The following SLC14A2 variants were observed in gnomAD, a reference collection of about 807,000 sequenced individuals.
SLC14A2 encodes urea transporter 2.
Under a neutral mutation model 104.6 loss-of-function variants are expected in SLC14A2, and 91 were observed. That is an observed-to-expected ratio of 0.87 (90% CI 0.73 to 1.04). The LOEUF is 1.04. Ranked by LOEUF, SLC14A2 falls within the 50% of genes least tolerant of loss-of-function variation. The probability of loss-of-function intolerance (pLI) is 0.00; values close to 1 mark genes in which losing one functional copy is unlikely to be tolerated. For missense variants in SLC14A2, 1,189 were observed against 1,156.0 expected (o/e 1.03, Z -0.41); for synonymous variants, 476 against 466.4 (o/e 1.02, Z -0.27).
rs59495649 is a variant in SLC14A2, at chr18:45,667,742, G to A, written c.1718-91G>A. 8.4e-4 allele frequency: 866 copies of A among 1,030,568 alleles called. 5 individuals carry two copies. In the African/African-American group the frequency reaches 0.012, roughly 14 times the overall value. The allele number at this position is 1,030,568 out of a possible 1,614,324, so 63.8% of individuals were successfully genotyped here. ...GGCTGGCTTCCTGCAAACCCACTTC[G>A]GATATCCAGATTCCCTCACACCCTC... On this transcript the variant is annotated intron_variant, in intron 13 of 19. Transcript: ENST00000255226.
At chr18:45,318,585 C>G (rs1157866025) in intron 1 of SLC14A2, among the ~76,000 whole-genome samples, 2 of 152,052 alleles carry the variant, frequency 1.3e-5, no homozygotes, top group Admixed American at 1.3e-4. Context: ...GTCAGGAGTT[C>G]GAGACCAGCC....
At chr18:45,291,724 C>A (rs2084871241) in intron 1 of SLC14A2, among the ~76,000 whole-genome samples, 1 of 152,062 alleles carries the variant, frequency 6.6e-6, no homozygotes, top group Non-Finnish European at 1.5e-5. Flanking sequence ...CCTCCCCCTG[C>A]CACAAGAATG....
chr18:45,449,477 C>G (rs548677612), intron 1 of SLC14A2, among the ~76,000 whole-genome samples: 6 of 152,148 alleles, frequency 3.9e-5, no homozygotes, highest in African/African-American at 1.4e-4. Context: ...AAACTTCCTG[C>G]GCCCGGGGAA....
At chr18:45,410,706 A>G (rs893034751) in intron 1 of SLC14A2, among the ~76,000 whole-genome samples, 2 of 152,180 alleles carry the variant, frequency 1.3e-5, no homozygotes, top group Non-Finnish European at 2.9e-5. Flanking sequence ...CCCCCAAATC[A>G]ATAATCCAGT....
chr18:45,390,428 T>A (rs1272969325), intron 1 of SLC14A2, among the ~76,000 whole-genome samples: 1 of 152,198 alleles, frequency 6.6e-6, no homozygotes, highest in Non-Finnish European at 1.5e-5. Flanking sequence ...GGTGCTCCAC[T>A]GTGCTGTTTA....
At chr18:45,298,488 T>G (rs964123109) in intron 1 of SLC14A2, among the ~76,000 whole-genome samples, 1 of 152,156 alleles carries the variant, frequency 6.6e-6, no homozygotes, top group Non-Finnish European at 1.5e-5. Flanking sequence ...ATCAGATCAT[T>G]TCAACATAGA....
rs145980877 is a variant in SLC14A2, at chr18:45,255,319, TAGAG to T, written c.-125+42140_-125+42143del. 8.3e-3 allele frequency among the ~76,000 whole-genome samples: 1,252 copies of T among 151,454 alleles called. 6 individuals carry two copies. The highest frequency in any genetic ancestry group is 0.012 in the Non-Finnish European group (801 of 67,802). On this transcript the variant is annotated intron_variant, in intron 1 of 20. Coordinates refer to the SLC14A2 transcript ENST00000586448. ...AGCCATCCTCATTGCTCCTTTTAAA[TAGAG>T]AGAGAGAGAGATGTTGATTTTGCAC...
At chr18:45,470,434 C>T (rs1354918785) in intron 1 of SLC14A2, among the ~76,000 whole-genome samples, 3 of 151,982 alleles carry the variant, frequency 2.0e-5, no homozygotes, top group Non-Finnish European at 4.4e-5. Context: ...TACATTTTTA[C>T]TTTTATATTT....
At chr18:45,248,499 C>T (rs1466516691) in intron 1 of SLC14A2, among the ~76,000 whole-genome samples, 1 of 151,814 alleles carries the variant, frequency 6.6e-6, no homozygotes, top group African/African-American at 2.4e-5. Context: ...CTCATAAGAC[C>T]CCTGGACCAC....
rs2044878214 is a variant in SLC14A2 at position 45,606,751 on chromosome 18, AACAAAAAC to A, written c.-34-17878_-34-17871del. Among the ~76,000 whole-genome samples the A allele has an allele frequency of 5.3e-3, 85 of 16,000 alleles. 4 individuals are homozygous for A. Among genetic ancestry groups the A allele is most frequent in the Admixed American group, 0.021 (29 of 1,354 alleles). The allele number at this position is 16,000 out of a possible 152,430, so 10.5% of individuals were successfully genotyped here. ...AGTCTAATTAAAAAAAAAAAAACAA[AACAAAAAC>A]AAAAAAAAAAAACACTGGCTGCAAG... On this transcript the variant is annotated intron_variant, in intron 2 of 20. Coordinates refer to the SLC14A2 transcript ENST00000586448.
chr18:45,231,120 T>G (rs982168896), intron 1 of SLC14A2, among the ~76,000 whole-genome samples: 7 of 152,328 alleles, frequency 4.6e-5, no homozygotes, highest in Admixed American at 2.0e-4. Flanking sequence ...CACAGAGAAG[T>G]TAAGTAACTT....
At chr18:45,532,616 C>T (rs2043713231) in intron 2 of SLC14A2, among the ~76,000 whole-genome samples, 1 of 151,658 alleles carries the variant, frequency 6.6e-6, no homozygotes, top group Non-Finnish European at 1.5e-5. Context: ...GTGGGGTTTT[C>T]TAGATATACA....
At chr18:45,673,548 G>T in intron 17 of SLC14A2, 135 bp from the exon 18 acceptor site, 4 of 936,150 alleles carry the variant, frequency 4.3e-6, no homozygotes, top group Non-Finnish European at 4.8e-6. Flanking sequence ...ACAGAATAAA[G>T]CCAGAAGTCC....
intron 1 of SLC14A2, among the ~76,000 whole-genome samples, chr18:45,334,021 A>G (rs2085314282): frequency 6.6e-6 from 1 of 152,204 alleles, no homozygotes; most frequent in African/African-American, 2.4e-5. Context: ...TCTTGTGGAA[A>G]CTAATAATTT....
intron 2 of SLC14A2, among the ~76,000 whole-genome samples, chr18:45,541,297 C>T (rs1028901386): frequency 6.6e-6 from 1 of 152,244 alleles, no homozygotes; most frequent in Non-Finnish European, 1.5e-5. Context: ...CAAGATTCGA[C>T]TGGCCCACTG....
At chr18:45,670,994 C>T (rs2046123717) in intron 16 of SLC14A2, among the ~76,000 whole-genome samples, 1 of 152,138 alleles carries the variant, frequency 6.6e-6, no homozygotes, top group Non-Finnish European at 1.5e-5. Context: ...GATCCTTGAT[C>T]ATTTTGTGTG....
chr18:45,305,056 G>T (rs1434407384), intron 1 of SLC14A2, among the ~76,000 whole-genome samples: 3 of 152,218 alleles, frequency 2.0e-5, no homozygotes, highest in South Asian at 2.1e-4. Flanking sequence ...ACAAATGAGT[G>T]CCTCTAGCCT....
At chr18:45,408,694 C>T (rs192560356) in intron 1 of SLC14A2, among the ~76,000 whole-genome samples, 33 of 152,072 alleles carry the variant, frequency 2.2e-4, no homozygotes, top group African/African-American at 7.7e-4. Context: ...AGAGGATTTC[C>T]CCACACCATG....
intron 10 of SLC14A2, among the ~76,000 whole-genome samples, chr18:45,660,146 A>G (rs1456588752): frequency 6.6e-6 from 1 of 152,094 alleles, no homozygotes; most frequent in Non-Finnish European, 1.5e-5. Flanking sequence ...AAAATATTAA[A>G]ATGCATAGGA....
Sources: gnomAD v4.1 joint callset for allele counts (sites outside exome capture counted in the v4.1 genomes callset) on GRCh38, gnomAD v4.1.1 for gene constraint, MANE v1.5 for transcripts, NCBI Gene and HGNC (gene_info 2026-07-23, HGNC 2026-07-21) for gene names.